The following DYNC1LI1 variants were observed in gnomAD, a reference collection of about 807,000 sequenced individuals.
DYNC1LI1 encodes dynein cytoplasmic 1 light intermediate chain 1.
Under a neutral mutation model 63.8 loss-of-function variants are expected in DYNC1LI1, and 19 were observed. That is an observed-to-expected ratio of 0.30 (90% CI 0.21 to 0.44). The LOEUF (loss-of-function observed/expected upper bound fraction) is 0.44. Ranked by LOEUF, DYNC1LI1 falls within the 20% of genes least tolerant of loss-of-function variation. The probability of loss-of-function intolerance (pLI) is 1.00; values close to 1 mark genes in which losing one functional copy is unlikely to be tolerated. For missense variants in DYNC1LI1, 565 were observed against 630.2 expected, an observed-to-expected ratio of 0.90 and a Z score of 1.11; for synonymous variants, 225 against 232.3, an observed-to-expected ratio of 0.97 and a Z score of 0.28.
At chr3:32,534,738 C>T (rs968007038) in intron 6 of DYNC1LI1, 92 bp from the exon 7 acceptor site, 2 of 1,079,764 alleles carry the variant, frequency 1.9e-6, no homozygotes, top group Admixed American at 2.8e-5. Context: ...TATTTCTATG[C>T]ATTTTAGTTT....
At chr3:32,565,284 T>C (rs1277323358) in intron 2 of DYNC1LI1, among the ~76,000 whole-genome samples, 1 of 152,166 alleles carries the variant, frequency 6.6e-6, no homozygotes, top group Non-Finnish European at 1.5e-5. Context: ...GATTTACAGA[T>C]GAGAAAGATG....
At chr3:32,561,095 C>A (rs1361459965) in intron 2 of DYNC1LI1, among the ~76,000 whole-genome samples, 1 of 147,536 alleles carries the variant, frequency 6.8e-6, no homozygotes, top group African/African-American at 2.5e-5. Flanking sequence ...AAATATCTAC[C>A]AAGATCAGTA....
rs763323748 is a variant in DYNC1LI1 at position 32,545,827 on chromosome 3, TTA to T, written c.337+20_337+21del. On this transcript the variant is annotated intron_variant, in intron 3 of 12. Transcript: ENST00000273130. ...GCACCTCAAAATAGACTTCAGAAAT[TTA>T]TGTTACAAATGACACTCACCATCCC... The T allele has an allele frequency of 4.6e-6, 7 of 1,527,472 alleles. No individual in the cohort carries two copies. Among genetic ancestry groups the T allele is most frequent in the South Asian group, 1.1e-5 (1 of 88,868 alleles). The allele number at this position is 1,527,472 out of a possible 1,614,324, so 94.6% of individuals were successfully genotyped here.
chr3:32,546,513 A>G lies in DYNC1LI1; in HGVS notation c.221-548T>C, dbSNP rs139448332. On this transcript the variant is annotated intron_variant, in intron 2 of 12. Coordinates refer to ENST00000273130, the MANE Select transcript of DYNC1LI1 (RefSeq NM_016141.4). ...CTATTGCAAATGACTTCCTCTACGG[A>G]TAATTTTCAGGAGATGAGAAGGTAA... 4.7e-3 allele frequency among the ~76,000 whole-genome samples: 718 copies of G among 152,350 alleles called. 8 individuals are homozygous for G. The highest frequency in any genetic ancestry group is 0.016 in the African/African-American group (682 of 41,580).
intron 6 of DYNC1LI1, among the ~76,000 whole-genome samples, chr3:32,535,298 T>C (rs961000330): frequency 1.3e-5 from 2 of 152,218 alleles, no homozygotes; most frequent in Non-Finnish European, 2.9e-5. Flanking sequence ...AAAGACACAG[T>C]GGATGTAAAT....
intron 12 of DYNC1LI1, among the ~76,000 whole-genome samples, chr3:32,528,202 G>C (rs1056701338): frequency 1.5e-5 from 2 of 135,688 alleles, no homozygotes; most frequent in Admixed American, 1.6e-4. Flanking sequence ...ATTTGTTAAA[G>C]CCATACATTG....
intron 5 of DYNC1LI1, among the ~76,000 whole-genome samples, chr3:32,537,937 A>AT (rs60796171): frequency 1.1e-3 from 15 of 13,882 alleles, no homozygotes; most frequent in African/African-American, 2.8e-3. Flanking sequence ...ATATATATAT[A>AT]ATATATATAT....
chr3:32,532,191 T>G (rs1384618679), intron 8 of DYNC1LI1: 1 of 151,922 alleles, frequency 6.6e-6, no homozygotes, highest in African/African-American at 2.4e-5. Context: ...CTGGGCCGGG[T>G]GCAGTGGCTC....
At position 32,540,936 on chromosome 3, in the gene DYNC1LI1, T is replaced by C. The variant is rs539086473; in HGVS notation, c.738+101A>G. 36 of 780,506 alleles carry C rather than the reference T, an allele frequency of 4.6e-5. No individual in the cohort carries two copies. The East Asian group carries it at 6.2e-4, about 14-fold the overall frequency. The allele number at this position is 780,506 out of a possible 1,614,324, so 48.3% of individuals were successfully genotyped here. On this transcript the variant is annotated intron_variant, in intron 5 of 12. Coordinates refer to ENST00000273130, the MANE Select transcript of DYNC1LI1 (RefSeq NM_016141.4). ...TTATTTGTTTGTTAACAAAAAATCA[T>C]CTAGGAGAACTAATGTGTTAACTCC...
At chr3:32,564,421 T>C (rs1698233020) in intron 2 of DYNC1LI1, among the ~76,000 whole-genome samples, 1 of 152,248 alleles carries the variant, frequency 6.6e-6, no homozygotes, top group African/African-American at 2.4e-5. Context: ...TAAAGTTTTA[T>C]TGAAACAAGC....
At chr3:32,570,265 G>GAGCCAGCGAGCT (rs1323980576) in intron 2 of DYNC1LI1, 81 bp downstream of exon 2, 1 of 1,154,804 alleles carries the variant, frequency 8.7e-7, no homozygotes, top group East Asian at 2.6e-5. Context: ...CGCACAAAGA[G>GAGCCAGCGAGCT]AGCCAGCGAG....
chr3:32,565,394 T>C (rs979340319), intron 2 of DYNC1LI1, among the ~76,000 whole-genome samples: 5 of 152,192 alleles, frequency 3.3e-5, no homozygotes, highest in Non-Finnish European at 7.3e-5. Context: ...AACCAGTCAC[T>C]GTGCTTGGGA....
chr3:32,540,971 G>A (rs1471353839), intron 5 of DYNC1LI1, 66 bp downstream of exon 5: 1 of 1,329,632 alleles, frequency 7.5e-7, no homozygotes, highest in African/African-American at 1.5e-5. Flanking sequence ...CAAAAAACCT[G>A]GAAAACAAAA....
Position 32,534,612 on chromosome 3 carries a change from T to G in DYNC1LI1, c.867A>C (p.Glu289Asp). 6.3e-7 allele frequency: 1 copy of G among 1,597,596 alleles called. No homozygotes were observed. Among genetic ancestry groups the G allele is most frequent in the Non-Finnish European group, 8.5e-7 (1 of 1,170,288 alleles). The change falls in exon 7 of 13, where the codon GAA becomes GAC. Residue 289 changes from glutamate to aspartate, a missense_variant. Physicochemically the swap from Glu to Asp is conservative, Grantham distance 45 (BLOSUM62 2). Transcript: ENST00000273130. ...GAALIYTSVK[E>D]NKNIDLVYKY... ...TATATACTAAGTCTATATTTTTGTTTTCTTTTACTGAAGTGTAAATAAGTG... is the reference window on the plus strand; with the variant it reads ...TATATACTAAGTCTATATTTTTGTTGTCTTTTACTGAAGTGTAAATAAGTG...
chr3:32,558,403 TAAAA>T (rs533076265), intron 2 of DYNC1LI1, among the ~76,000 whole-genome samples: 4 of 90,392 alleles, frequency 4.4e-5, no homozygotes, highest in Admixed American at 1.3e-4. Flanking sequence ...TTTAAAAATG[TAAAA>T]AAAAAAAAAA....
chr3:32,555,211 A>C (rs747494699), intron 2 of DYNC1LI1, among the ~76,000 whole-genome samples: 10 of 152,202 alleles, frequency 6.6e-5, no homozygotes, highest in African/African-American at 9.7e-5. Context: ...TAAACATCTT[A>C]AGCCCATTTC....
At chr3:32,537,974 T>TTATATAAATATA (rs1559436330) in intron 5 of DYNC1LI1, among the ~76,000 whole-genome samples, 20 of 20,518 alleles carry the variant, frequency 9.7e-4, no homozygotes, top group South Asian at 1.5e-3. Context: ...ATATATATAT[T>TTATATAAATATA]TATATATAAT....
At chr3:32,562,002 T>C (rs911376775) in intron 2 of DYNC1LI1, among the ~76,000 whole-genome samples, 5 of 152,230 alleles carry the variant, frequency 3.3e-5, no homozygotes, top group Admixed American at 6.5e-5. Flanking sequence ...GGTGTGTTAA[T>C]AGACGCTCAT....
intron 2 of DYNC1LI1, among the ~76,000 whole-genome samples, chr3:32,551,812 T>C (rs973550306): frequency 6.6e-6 from 1 of 152,144 alleles, no homozygotes; most frequent in African/African-American, 2.4e-5. Flanking sequence ...TCCTAAGTCT[T>C]TTTTGCAGAC....
Sources: allele counts gnomAD v4.1 joint callset (sites outside exome capture counted in the v4.1 genomes callset), GRCh38; gene constraint gnomAD v4.1.1; transcripts MANE v1.5; gene names NCBI Gene and HGNC (gene_info 2026-07-23, HGNC 2026-07-21).